TTF2: variants seen among roughly 807,000 people sequenced by gnomAD.
TTF2 encodes RNA polymerase II termination factor.
A neutral mutation model predicts 142.4 loss-of-function variants in TTF2; 108 were observed. The ratio of observed to expected loss-of-function variants is 0.76; its 90% CI spans 0.65 to 0.89. The LOEUF (loss-of-function observed/expected upper bound fraction) is 0.89. Among genes scored for constraint, TTF2 ranks in the 40% least tolerant of loss-of-function variants. TTF2 has a pLI of 0.00. For synonymous variants in TTF2, 483 were observed against 506.2 expected (o/e 0.95, Z 0.61); for missense variants, 1,327 against 1,379.8 (o/e 0.96, Z 0.61).
rs1657002600 is a variant in TTF2 at position 117,076,288 on chromosome 1, G to A, written c.1384G>A (p.Glu462Lys). The A allele has an allele frequency of 1.2e-6, 2 of 1,613,594 alleles. No individual in the cohort carries two copies. The change falls in exon 6 of 23, where the codon GAG becomes AAG. Residue 462 changes from glutamate (E) to lysine (K), a missense_variant. Glu to Lys is a moderately conservative substitution (Grantham distance 56). Coordinates refer to ENST00000369466, the MANE Select transcript of TTF2 (RefSeq NM_003594.4). This position sits in a 1 kb window ranked among gnomAD's most constrained non-coding sequence, Gnocchi z 4.6. ...ACTCAGTGGTCTTACCCTTTCCCCA[G>A]AGCAAGGTAAAGTGGCTTATGCCTC... ...EVLSGLTLSPEQGTNEKSNSQ... is the reference protein window; with the variant it reads ...EVLSGLTLSPKQGTNEKSNSQ...
rs753398077 is a variant in TTF2, at chr1:117,103,429, GTTC to G, written c.*1910_*1912del. On this transcript the variant is annotated 3_prime_UTR_variant, in exon 23 of 23. Coordinates refer to ENST00000369466, the MANE Select transcript of TTF2 (RefSeq NM_003594.4). ...CTAATTTCTGCTAGAAAGAATCACA[GTTC>G]TTCTAACACAGAAACATTTCTGTCC... The G allele has an allele frequency of 6.6e-6, 1 of 152,170 alleles. No homozygotes were observed. Among genetic ancestry groups the G allele is most frequent in the East Asian group, 1.9e-4 (1 of 5,204 alleles). The allele number at this position is 152,170 out of a possible 1,614,324, so 9.4% of individuals were successfully genotyped here.
chr1:117,090,233 G>A lies in TTF2; in HGVS notation c.2496+25G>A, dbSNP rs1028981281. ...GGTAATCAAGTTTGTACCTGTCCCTGGGGGAGGCCAGGGAAGGAACATGAC... is the reference window on the plus strand; with the variant it reads ...GGTAATCAAGTTTGTACCTGTCCCTAGGGGAGGCCAGGGAAGGAACATGAC... On this transcript the variant is annotated intron_variant, in intron 14 of 22. Transcript: ENST00000369466. The surrounding 1 kb of genome is among the most constrained non-coding windows in gnomAD (Gnocchi z 4.8). 6.2e-7 allele frequency: 1 copy of A among 1,610,058 alleles called. No individual in the cohort carries two copies. Among genetic ancestry groups the A allele is most frequent in the African/African-American group, 1.3e-5 (1 of 74,802 alleles).
chr1:117,097,294 C>T lies in TTF2; in HGVS notation c.3187-57C>T, dbSNP rs2101217398. The T allele has an allele frequency of 3.4e-6, 5 of 1,483,722 alleles. No individual in the cohort carries two copies. Among genetic ancestry groups the T allele is most frequent in the African/African-American group, 1.4e-5 (1 of 72,378 alleles). 91.9% of individuals were successfully genotyped at this position (1,483,722 alleles called of 1,614,324 possible). A position where few individuals can be genotyped will look rare whatever the true frequency, so the allele number is the denominator to read the frequency against. Reference sequence around the variant, plus strand: ...TTGATTGTGGACTTAAACCTGAGACCGAGATGTGTTACGAGACCAAGTCTG... The same window carrying T: ...TTGATTGTGGACTTAAACCTGAGACTGAGATGTGTTACGAGACCAAGTCTG... On this transcript the variant is annotated intron_variant, in intron 20 of 22. Coordinates refer to ENST00000369466, the MANE Select transcript of TTF2 (RefSeq NM_003594.4). The surrounding 1 kb of genome is among the most constrained non-coding windows in gnomAD (Gnocchi z 4.1).
In TTF2 at chr1:117,086,582, C is replaced by A. The variant is rs1570850351; in HGVS notation, c.2160+60C>A. On this transcript the variant is annotated intron_variant, in intron 12 of 22. Coordinates refer to ENST00000369466, the MANE Select transcript of TTF2 (RefSeq NM_003594.4). This position sits in a 1 kb window ranked among gnomAD's most constrained non-coding sequence, Gnocchi z 4.2. Reference sequence around the variant, plus strand: ...GAGCCACAGATGGTTTAATGGGAGTCTTTCTCAGCCTCCACGATAGCAAGA... The same window carrying A: ...GAGCCACAGATGGTTTAATGGGAGTATTTCTCAGCCTCCACGATAGCAAGA... The A allele has an allele frequency of 1.6e-6, 2 of 1,229,344 alleles. No homozygotes were observed. The highest frequency in any genetic ancestry group is 2.4e-6 in the Non-Finnish European group (2 of 840,914). The allele number at this position is 1,229,344 out of a possible 1,614,324, so 76.2% of individuals were successfully genotyped here.
rs1570890870 is a variant in TTF2, at chr1:117,099,662, A to T, written c.3344+755A>T. Among the ~76,000 whole-genome samples the T allele has an allele frequency of 6.6e-6, 1 of 152,176 alleles. No homozygotes were observed. The highest frequency in any genetic ancestry group is 1.5e-5 in the Non-Finnish European group (1 of 68,038). On this transcript the variant is annotated intron_variant, in intron 22 of 22. Coordinates refer to ENST00000369466, the MANE Select transcript of TTF2 (RefSeq NM_003594.4). The surrounding 1 kb of genome is among the most constrained non-coding windows in gnomAD (Gnocchi z 4.3). ...TTTAAAAACAACAAAACCTGCCTTAATGCTGCCAATCCCCTCTCACAATGG... is the reference window on the plus strand; with the variant it reads ...TTTAAAAACAACAAAACCTGCCTTATTGCTGCCAATCCCCTCTCACAATGG...
chr1:117,073,217 T>C lies in TTF2; in HGVS notation c.219-444T>C, dbSNP rs969761875. ...TTCTGTTGTTTCTATTTCCTATAAA[T>C]TGGTAATTGGATCTAGAGGTTAGTT... On this transcript the variant is annotated intron_variant, in intron 3 of 22. Transcript: ENST00000369466. This position sits in a 1 kb window ranked among gnomAD's most constrained non-coding sequence, Gnocchi z 4.4. Among the ~76,000 whole-genome samples the C allele has an allele frequency of 7.2e-5, 11 of 152,190 alleles. No individual in the cohort carries two copies. The highest frequency in any genetic ancestry group is 1.2e-4 in the Non-Finnish European group (8 of 68,032).
chr1:117,082,619 G>T (rs1647623517), intron 10 of TTF2, among the ~76,000 whole-genome samples: 2 of 152,086 alleles, frequency 1.3e-5, no homozygotes, highest in Admixed American at 1.3e-4. Context: ...TCACTATAGT[G>T]GAAGCTATTT....
Position 117,091,955 on chromosome 1 carries a change from G to C in TTF2, c.2805+5G>C. The C allele has an allele frequency of 1.2e-6, 2 of 1,611,020 alleles. No individual in the cohort carries two copies. Among genetic ancestry groups the C allele is most frequent in the Non-Finnish European group, 8.5e-7 (1 of 1,179,212 alleles). On this transcript the variant is annotated splice_donor_5th_base_variant and intron_variant, in intron 17 of 22. Transcript: ENST00000369466. ...CATCTTTCTTTACTGAAGTCGGTAA[G>C]AAAAGCCCTCAGCCTGCTGTCATAT...
chr1:117,074,497 G>T (rs146227775), intron 4 of TTF2, among the ~76,000 whole-genome samples: 73 of 152,232 alleles, frequency 4.8e-4, no homozygotes, highest in South Asian at 2.3e-3. Context: ...CGTGGAAATG[G>T]TACCAAGAAT....
At position 117,075,774 on chromosome 1, in the gene TTF2, C is replaced by T. The variant is rs1290975511; in HGVS notation, c.1190C>T (p.Pro397Leu). The T allele has an allele frequency of 2.5e-6, 4 of 1,614,228 alleles. No individual in the cohort carries two copies. The South Asian group carries it at 4.4e-5, about 18-fold the overall frequency. Reference protein sequence around the residue: ...PDRSVQRKVSPASGVSKKVEP... With the variant: ...PDRSVQRKVSLASGVSKKVEP... Reference sequence around the variant, plus strand: ...CGAAGTGTGCAAAGAAAGGTGTCTCCTGCCTCAGGTGTTTCCAAGAAGGTA... The same window carrying T: ...CGAAGTGTGCAAAGAAAGGTGTCTCTTGCCTCAGGTGTTTCCAAGAAGGTA... Residue 397 changes from proline to leucine, a missense_variant, in exon 5 of 23, where the codon CCT becomes CTT. Physicochemically the swap from Pro to Leu is moderately conservative, Grantham distance 98. Coordinates refer to ENST00000369466, the MANE Select transcript of TTF2 (RefSeq NM_003594.4). The surrounding 1 kb of genome is among the most constrained non-coding windows in gnomAD (Gnocchi z 4.5).
intron 3 of TTF2, among the ~76,000 whole-genome samples, chr1:117,067,524 CAAAAAA>C (rs1161287519): frequency 4.9e-5 from 2 of 40,950 alleles, no homozygotes; most frequent in South Asian, 7.3e-4. Context: ...GACTCAGTCT[CAAAAAA>C]AAAAAAAAAA....
At position 117,079,550 on chromosome 1, in the gene TTF2, G is replaced by A. The variant is rs759381717; in HGVS notation, c.1702-18G>A. ...CATTAGGAATTTATGCTTAGCATTT[G>A]GTTATTACCTTTGTCAGGTCCCTTT... is the stretch of plus-strand genomic sequence containing the variant. On this transcript the variant is annotated intron_variant, in intron 8 of 22. Transcript: ENST00000369466. This position sits in a 1 kb window ranked among gnomAD's most constrained non-coding sequence, Gnocchi z 4.2. 1.8e-5 allele frequency: 29 copies of A among 1,613,592 alleles called. No individual in the cohort carries two copies. Among genetic ancestry groups the A allele is most frequent in the Non-Finnish European group, 2.5e-5 (29 of 1,179,504 alleles).
At chr1:117,082,055 C>G in intron 10 of TTF2, 108 bp downstream of exon 10, 2 of 1,515,176 alleles carry the variant, frequency 1.3e-6, no homozygotes, top group South Asian at 1.1e-5. Context: ...TTTAATTACT[C>G]TACTGGAAAA....
At chr1:117,091,289 C>G in intron 15 of TTF2, 39 bp from the exon 16 acceptor site, 2 of 1,567,702 alleles carry the variant, frequency 1.3e-6, no homozygotes, top group Non-Finnish European at 1.7e-6. Flanking sequence ...TCTTAGTGAC[C>G]ATTATACATG....
Position 117,076,370 on chromosome 1 carries a change from A to C in TTF2, c.1390+76A>C. The C allele has an allele frequency of 8.4e-7, 1 of 1,196,692 alleles. No homozygotes were observed. The highest frequency in any genetic ancestry group is 1.4e-5 in the South Asian group (1 of 71,248). The allele number at this position is 1,196,692 out of a possible 1,614,324, so 74.1% of individuals were successfully genotyped here. ...GACATTCGGGAAGCCCTTTTAATAA[A>C]GAATGTGTTGATTCATTCACTTTTC... is the stretch of plus-strand genomic sequence containing the variant. On this transcript the variant is annotated intron_variant, in intron 6 of 22. Transcript: ENST00000369466. The surrounding 1 kb of genome is among the most constrained non-coding windows in gnomAD (Gnocchi z 4.6).
Position 117,070,199 on chromosome 1 carries a change from T to C in TTF2, c.219-3462T>C, listed in dbSNP as rs1656463291. 6.6e-6 allele frequency among the ~76,000 whole-genome samples: 1 copy of C among 152,242 alleles called. No homozygotes were observed. Among genetic ancestry groups the C allele is most frequent in the Admixed American group, 6.5e-5 (1 of 15,286 alleles). ...CTTGCCCTTCTCCTGAAAGTCTACA[T>C]GGCATGAGTTTTAAAGTAGACACTA... On this transcript the variant is annotated intron_variant, in intron 3 of 22. Transcript: ENST00000369466. The surrounding 1 kb of genome is among the most constrained non-coding windows in gnomAD (Gnocchi z 4.2).
rs1298109918 is a variant in TTF2, at chr1:117,097,009, G to C, written c.3187-342G>C. Among the ~76,000 whole-genome samples, 4 of 152,134 alleles carry C rather than the reference G, an allele frequency of 2.6e-5. No homozygotes were observed. Among genetic ancestry groups the C allele is most frequent in the Non-Finnish European group, 5.9e-5 (4 of 68,032 alleles). The stretch of plus-strand genomic sequence containing the variant: ...GCAGGAGAATTATTGTAGCAATGGA[G>C]GGGTAGGGACTGATGAAATAAACAT... On this transcript the variant is annotated intron_variant, in intron 20 of 22. Coordinates refer to ENST00000369466, the MANE Select transcript of TTF2 (RefSeq NM_003594.4). This position sits in a 1 kb window ranked among gnomAD's most constrained non-coding sequence, Gnocchi z 4.1.
intron 3 of TTF2, among the ~76,000 whole-genome samples, chr1:117,068,084 G>A (rs1207381346): frequency 2.6e-5 from 4 of 152,206 alleles, no homozygotes; most frequent in Non-Finnish European, 5.9e-5. Context: ...TGACATGAAC[G>A]ATGTGGTACA....
intron 19 of TTF2, among the ~76,000 whole-genome samples, 181 bp downstream of exon 19, chr1:117,095,548 T>C (rs1570880587): frequency 6.6e-6 from 1 of 152,076 alleles, no homozygotes; most frequent in South Asian, 2.1e-4. Flanking sequence ...AGGAGATCCC[T>C]AGAGGATCAG....
Sources: gnomAD v4.1 joint callset for allele counts (sites outside exome capture counted in the v4.1 genomes callset) on GRCh38, gnomAD v4.1.1 for gene constraint, Gnocchi (gnomAD v3.1) non-coding constraint, MANE v1.5 for transcripts, NCBI Gene and HGNC (gene_info 2026-07-23, HGNC 2026-07-21) for gene names.